Variants in SMG1 observed in about 807,000 individuals in gnomAD.
The protein encoded by SMG1 is SMG1 nonsense mediated mRNA decay associated PI3K related kinase.
Under a neutral mutation model 419.9 loss-of-function variants are expected in SMG1, and 22 were observed. That is an observed-to-expected ratio of 0.05 (90% CI 0.04 to 0.07). The LOEUF is 0.07. Among genes scored for constraint, SMG1 ranks in the 10% least tolerant of loss-of-function variants. The pLI, the probability that SMG1 is intolerant of heterozygous loss-of-function variation, is 1.00. For missense variants in SMG1, 3,185 were observed against 4,342.0 expected (o/e 0.73, Z 7.49); for synonymous variants, 1,538 against 1,553.5 (o/e 0.99, Z 0.23).
At chr16:18,904,772 T>C (rs889637170) in intron 1 of SMG1, among the ~76,000 whole-genome samples, 3 of 151,134 alleles carry the variant, frequency 2.0e-5, no homozygotes, top group Non-Finnish European at 4.4e-5. Context: ...CCGTCTCAAC[T>C]AAAAATACAA....
intron 1 of SMG1, among the ~76,000 whole-genome samples, chr16:18,903,516 T>C (rs1429860068): frequency 6.6e-6 from 1 of 152,244 alleles, no homozygotes; most frequent in African/African-American, 2.4e-5. Context: ...TATAGATTTC[T>C]GCTTCATGAG....
At chr16:18,921,137 C>CAA (rs548882021) in intron 1 of SMG1, among the ~76,000 whole-genome samples, 8 of 77,658 alleles carry the variant, frequency 1.0e-4, no homozygotes, top group South Asian at 4.3e-4. Flanking sequence ...AACTCTGTCT[C>CAA]AAAAAAAAAA....
intron 5 of SMG1, 68 bp downstream of exon 5, chr16:18,890,795 G>T (rs2036842657): frequency 6.0e-6 from 5 of 827,422 alleles, no homozygotes; most frequent in South Asian, 5.7e-5. Flanking sequence ...GTCTTCTTGT[G>T]TATTGTTAAG....
chr16:18,812,268 A>G, intron 60 of SMG1, 141 bp from the exon 61 acceptor site: 1 of 748,890 alleles, frequency 1.3e-6, no homozygotes, highest in Non-Finnish European at 2.0e-6. Context: ...GGACACAGCA[A>G]TTGTCTTCCT....
chr16:18,814,568 C>T (rs1448838154), intron 60 of SMG1, among the ~76,000 whole-genome samples: 1 of 151,988 alleles, frequency 6.6e-6, no homozygotes, highest in African/African-American at 2.4e-5. Context: ...CATTTTTACT[C>T]TCTCACGAGT....
intron 55 of SMG1, among the ~76,000 whole-genome samples, chr16:18,821,217 GTTTCTTTTTTTT>G (rs2032505124): frequency 3.2e-5 from 1 of 31,736 alleles, no homozygotes; most frequent in East Asian, 9.6e-4. Context: ...TATTTAGTAT[GTTTCTTTTTTTT>G]TTTTTTTTTT....
rs1236037020 is a variant in SMG1 at position 18,859,033 on chromosome 16, G to C, written c.4102C>G (p.Leu1368Val). Residue 1368 changes from leucine to valine, a missense_variant, in exon 28 of 63, where the codon CTT becomes GTT. By Grantham distance (32) the Leu-to-Val change is conservative (BLOSUM62 1). Around this residue, in one of 27 missense-constraint regions of SMG1, gnomAD observed 493 missense variants for 552.9 expected, o/e 0.89. Coordinates refer to ENST00000446231, the MANE Select transcript of SMG1 (RefSeq NM_015092.5). ...AAAAATATACAGACCTCTGTTGAAA[G>C]TCTGTTAGAAACTGTGTTCTCCAAA... ...SALENTVSNR[L>V]STEDCLIPLF... The C allele has an allele frequency of 1.6e-5, 25 of 1,527,174 alleles. No individual in the cohort carries two copies. The highest frequency in any genetic ancestry group is 2.2e-5 in the Non-Finnish European group (25 of 1,142,514). 94.6% of individuals were successfully genotyped at this position (1,527,174 alleles called of 1,614,324 possible). A position where few individuals can be genotyped will look rare whatever the true frequency, so the allele number is the denominator to read the frequency against.
At chr16:18,843,166 C>T (rs2034023576) in intron 39 of SMG1, among the ~76,000 whole-genome samples, 1 of 152,096 alleles carries the variant, frequency 6.6e-6, no homozygotes, top group African/African-American at 2.4e-5. Flanking sequence ...GTCAGGTCGA[C>T]AAAACTTTAA....
rs2141894229 is a variant in SMG1, at chr16:18,805,879, C to A, written c.*3690G>T. On this transcript the variant is annotated 3_prime_UTR_variant, in exon 63 of 63. Coordinates refer to ENST00000446231, the MANE Select transcript of SMG1 (RefSeq NM_015092.5). ...TTAAATGTGCGAATAGTAAAGCATT[C>A]ACTGATATTTGATGTATCTGAATAG... The A allele has an allele frequency of 6.6e-6, 1 of 152,628 alleles. No individual in the cohort carries two copies. Among genetic ancestry groups the A allele is most frequent in the African/African-American group, 2.4e-5 (1 of 41,546 alleles). 9.5% of individuals were successfully genotyped at this position (152,628 alleles called of 1,614,324 possible).
chr16:18,834,894 T>C lies in SMG1; in HGVS notation c.8328A>G (p.Thr2776=). Residue 2776 remains threonine (T), a splice_region_variant and synonymous_variant, in exon 49 of 63, where the codon ACA becomes ACG. Coordinates refer to ENST00000446231, the MANE Select transcript of SMG1 (RefSeq NM_015092.5). Reference sequence around the variant, plus strand: ...CAATATGAAGTTGGCTAACTTACCTTGTAAGGGTACAAAGGGCAGAAATAA... The same window carrying C: ...CAATATGAAGTTGGCTAACTTACCTCGTAAGGGTACAAAGGGCAGAAATAA... ...SVIISALCTL[T]RRNLMMEGAA... 1 of 1,612,560 alleles carries C rather than the reference T, an allele frequency of 6.2e-7. No individual in the cohort carries two copies. Among genetic ancestry groups the C allele is most frequent in the Non-Finnish European group, 8.5e-7 (1 of 1,178,690 alleles).
chr16:18,814,330 G>GAT (rs546511357), intron 60 of SMG1, among the ~76,000 whole-genome samples: 1,952 of 149,558 alleles, frequency 0.013, 52 homozygotes, highest in African/African-American at 0.045. Context: ...ATGTTTCTCT[G>GAT]ATATATATAT....
chr16:18,830,554 G>A (rs1165746468), intron 51 of SMG1, among the ~76,000 whole-genome samples, 185 bp from the exon 52 acceptor site: 4 of 152,104 alleles, frequency 2.6e-5, no homozygotes, highest in South Asian at 2.1e-4. Flanking sequence ...TTGGCAGGCC[G>A]AGGTGGGCAG....
At chr16:18,857,234 T>C (rs548932058) in intron 29 of SMG1, 1 of 152,372 alleles carries the variant, frequency 6.6e-6, no homozygotes, top group East Asian at 1.9e-4. Flanking sequence ...ACACCAGCTA[T>C]CATGTTTTCC....
chr16:18,923,180 T>C (rs1447794677), intron 1 of SMG1, among the ~76,000 whole-genome samples: 2 of 152,186 alleles, frequency 1.3e-5, no homozygotes, highest in Non-Finnish European at 2.9e-5. Context: ...TATGCTTCTA[T>C]GGAACACGGG....
chr16:18,849,464 C>T (rs1596516896), intron 35 of SMG1, 86 bp from the exon 36 acceptor site: 16 of 1,283,720 alleles, frequency 1.2e-5, no homozygotes, highest in East Asian at 7.0e-5. Context: ...ACAGATAAAA[C>T]GTGATGTGTG....
chr16:18,879,185 A>C (rs2036277214), intron 11 of SMG1: 1 of 392,986 alleles, frequency 2.5e-6, no homozygotes, highest in Non-Finnish European at 4.8e-6. Flanking sequence ...GCACAATCAG[A>C]GCTCTCTTCA....
At chr16:18,836,579 C>A (rs1157651126) in intron 46 of SMG1, 47 bp from the exon 47 acceptor site, 1 of 1,589,566 alleles carries the variant, frequency 6.3e-7, no homozygotes, top group South Asian at 1.1e-5. Flanking sequence ...TTGCTGTTTT[C>A]TTCCACATAC....
At position 18,816,476 on chromosome 16, in the gene SMG1, G is replaced by A; in HGVS notation, c.10128C>T (p.His3376=). 6.2e-7 allele frequency: 1 copy of A among 1,613,908 alleles called. No homozygotes were observed. Among genetic ancestry groups the A allele is most frequent in the Non-Finnish European group, 8.5e-7 (1 of 1,179,850 alleles). The change falls in exon 58 of 63, where the codon CAC becomes CAT. Residue 3376 remains histidine, a synonymous_variant. Transcript: ENST00000446231. ...TAGACATATCCTGGGTCAACTGTTT[G>A]TGTGCTGACAAAAGCCATTCAGAGC... The part of the protein sequence containing the change: ...IGSSEWLLSA[H]KQLTQDMSTQ...
rs200657128 is a variant in SMG1 at position 18,858,152 on chromosome 16, GA to G, written c.4234+17del. The stretch of plus-strand genomic sequence containing the variant: ...GAACACCTTTAATTTTCTCTTACAA[GA>G]AAAAAAAACCACTTACCTTTAATTT... On this transcript the variant is annotated intron_variant, in intron 29 of 62. Transcript: ENST00000446231. 3.2e-4 allele frequency: 477 copies of G among 1,504,142 alleles called. No homozygotes were observed. In the African/African-American group the frequency reaches 5.8e-3, roughly 18 times the overall value. 93.2% of individuals were successfully genotyped at this position (1,504,142 alleles called of 1,614,324 possible).
Sources: gnomAD v4.1 joint callset for allele counts (sites outside exome capture counted in the v4.1 genomes callset) on GRCh38, gnomAD v4.1.1 for gene constraint, gnomAD v4.1.1 regional missense constraint, MANE v1.5 for transcripts, NCBI Gene and HGNC (gene_info 2026-07-23, HGNC 2026-07-21) for gene names.